The following OPCML variants were observed in gnomAD, a reference collection of about 807,000 sequenced individuals.
The protein encoded by OPCML is opioid binding protein/cell adhesion molecule like, also known as opioid-binding protein/cell adhesion molecule.
In OPCML, 13 loss-of-function variants were observed where a neutral mutation model predicts 37.8. That is an observed-to-expected ratio of 0.34 (90% CI 0.22 to 0.55). OPCML has a LOEUF of 0.55. Among genes scored for constraint, OPCML ranks in the 20% least tolerant of loss-of-function variants. The pLI, the probability that OPCML is intolerant of heterozygous loss-of-function variation, is 0.91. For synonymous variants in OPCML, 176 were observed against 168.8 expected (o/e 1.04, Z -0.33); for missense variants, 341 against 435.6 (o/e 0.78, Z 1.93).
chr11:132,479,046 T>C (rs2096167880), intron 4 of OPCML, among the ~76,000 whole-genome samples: 1 of 152,048 alleles, frequency 6.6e-6, no homozygotes, highest in Non-Finnish European at 1.5e-5. Context: ...GATGGCCGAA[T>C]AGGAACAGCC....
chr11:133,431,978 A>T (rs1336695571), intron 1 of OPCML, among the ~76,000 whole-genome samples: 2 of 152,092 alleles, frequency 1.3e-5, no homozygotes, highest in Non-Finnish European at 2.9e-5. Context: ...CGTTATTACT[A>T]CTAAGAAATC....
chr11:132,508,232 C>T (rs992531737), intron 4 of OPCML, among the ~76,000 whole-genome samples: 1 of 152,058 alleles, frequency 6.6e-6, no homozygotes, highest in Non-Finnish European at 1.5e-5. Context: ...TTTTATGAGG[C>T]CAGAATTACT....
intron 2 of OPCML, among the ~76,000 whole-genome samples, chr11:132,768,739 C>T (rs1317733966): frequency 6.6e-6 from 1 of 152,012 alleles, no homozygotes; most frequent in African/African-American, 2.4e-5. Flanking sequence ...AGAAGGAAAA[C>T]GAAGCATACA....
intron 2 of OPCML, among the ~76,000 whole-genome samples, chr11:132,899,296 A>G (rs2659606): frequency 0.66 from 99,792 of 152,074 alleles, 33,442 homozygotes; most frequent in Middle Eastern, 0.75. Context: ...TTTGGTGTAC[A>G]TATTATATAC....
intron 1 of OPCML, among the ~76,000 whole-genome samples, chr11:133,449,682 T>C (rs953876600): frequency 1.4e-4 from 21 of 151,638 alleles, no homozygotes; most frequent in Non-Finnish European, 2.6e-4. Context: ...CCTCTCTGTG[T>C]CCTCCCCTCA....
At chr11:133,106,527 G>A (rs529773544) in intron 1 of OPCML, among the ~76,000 whole-genome samples, 1 of 152,344 alleles carries the variant, frequency 6.6e-6, no homozygotes, top group African/African-American at 2.4e-5. Context: ...CCCTAGCAGT[G>A]TAAGGAACTA....
chr11:132,512,871 T>A (rs2096271870), intron 4 of OPCML, among the ~76,000 whole-genome samples: 1 of 151,896 alleles, frequency 6.6e-6, no homozygotes, highest in African/African-American at 2.4e-5. Context: ...ACAGGGAAGC[T>A]TTTGAGGTAA....
At chr11:132,695,220 C>T (rs151163634) in intron 2 of OPCML, among the ~76,000 whole-genome samples, 2 of 152,214 alleles carry the variant, frequency 1.3e-5, no homozygotes, top group East Asian at 3.9e-4. Flanking sequence ...GGAAGCACGG[C>T]CCCTTAGAAC....
intron 1 of OPCML, among the ~76,000 whole-genome samples, chr11:133,305,529 A>C (rs556940473): frequency 6.6e-6 from 1 of 152,352 alleles, no homozygotes; most frequent in East Asian, 1.9e-4. Flanking sequence ...TTAAATCAAT[A>C]GCTTTAAGTG....
chr11:133,503,586 A>G (rs1189406872), intron 1 of OPCML, among the ~76,000 whole-genome samples: 1 of 152,268 alleles, frequency 6.6e-6, no homozygotes, highest in Non-Finnish European at 1.5e-5. Context: ...TTATAGAGAT[A>G]AAGTATTCTT....
chr11:133,206,481 C>T lies in OPCML; in HGVS notation c.62-263471G>A, dbSNP rs903223958. Among the ~76,000 whole-genome samples the T allele has an allele frequency of 4.6e-5, 7 of 152,174 alleles. No individual in the cohort carries two copies. Among genetic ancestry groups the T allele is most frequent in the Admixed American group, 1.3e-4 (2 of 15,280 alleles). On this transcript the variant is annotated intron_variant, in intron 1 of 7. Transcript: ENST00000524381. This position sits in a 1 kb window ranked among gnomAD's most constrained non-coding sequence, Gnocchi z 4.7. ...TCTTGAACTGCTGGATTCTATGATT[C>T]TTCCGTTAAAGTTGTGAAAGCGTGT... is the stretch of plus-strand genomic sequence containing the variant.
chr11:132,662,760 A>G (rs982867959), intron 2 of OPCML, among the ~76,000 whole-genome samples: 1 of 152,236 alleles, frequency 6.6e-6, no homozygotes, highest in Non-Finnish European at 1.5e-5. Context: ...AATAAGATGC[A>G]TGTCCGAAAA....
intron 2 of OPCML, chr11:132,860,898 G>A (rs1036262753): frequency 1.1e-4 from 16 of 152,178 alleles, no homozygotes; most frequent in African/African-American, 3.9e-4. Flanking sequence ...TTACTCCTTT[G>A]AGGTAGTAGG....
chr11:132,879,826 A>C (rs1943158754), intron 2 of OPCML, among the ~76,000 whole-genome samples: 1 of 152,254 alleles, frequency 6.6e-6, no homozygotes, highest in Admixed American at 6.5e-5. Context: ...TACATGAGCC[A>C]TTTTGGGAAA....
intron 1 of OPCML, among the ~76,000 whole-genome samples, chr11:132,950,189 G>A (rs1347995784): frequency 6.6e-6 from 1 of 152,220 alleles, no homozygotes; most frequent in Non-Finnish European, 1.5e-5. Flanking sequence ...TGATTGAAAA[G>A]TTTTGCACAT....
At chr11:132,996,454 T>TA (rs530006546) in intron 1 of OPCML, among the ~76,000 whole-genome samples, 29,677 of 132,692 alleles carry the variant, frequency 0.22, 3,280 homozygotes, top group Admixed American at 0.35. Context: ...CCATCTCTAC[T>TA]AAAAAAAAAA....
chr11:132,997,552 C>T (rs1039772452), intron 1 of OPCML, among the ~76,000 whole-genome samples: 17 of 152,028 alleles, frequency 1.1e-4, no homozygotes, highest in Non-Finnish European at 1.5e-4. Flanking sequence ...ATGCACATGC[C>T]ATCCACGCCG....
chr11:133,170,883 T>A (rs1372308409), intron 1 of OPCML, among the ~76,000 whole-genome samples: 1 of 152,172 alleles, frequency 6.6e-6, no homozygotes, highest in East Asian at 1.9e-4. Context: ...CAGCTCCTCA[T>A]GAGCAAAGAA....
intron 3 of OPCML, among the ~76,000 whole-genome samples, chr11:132,635,431 G>A (rs1940428305): frequency 6.6e-6 from 1 of 151,490 alleles, no homozygotes; most frequent in African/African-American, 2.4e-5. Flanking sequence ...TATATGAAAG[G>A]TCCTCATCAA....
Sources: allele counts gnomAD v4.1 joint callset (sites outside exome capture counted in the v4.1 genomes callset), GRCh38; gene constraint gnomAD v4.1.1; non-coding constraint Gnocchi (gnomAD v3.1); transcripts MANE v1.5; gene names NCBI Gene and HGNC (gene_info 2026-07-23, HGNC 2026-07-21).